ZNF500: variants seen among roughly 807,000 people sequenced by gnomAD.
The protein encoded by ZNF500 is zinc finger protein 500.
A neutral mutation model predicts 30.1 loss-of-function variants in ZNF500; 31 were observed. The observed-to-expected ratio is 1.03, with a 90% CI of 0.77 to 1.39. The LOEUF is 1.39. Among genes scored for constraint, ZNF500 ranks in the 40% most tolerant of loss-of-function variants. ZNF500 has a pLI of 0.00. For missense variants in ZNF500, 817 were observed against 657.8 expected, an observed-to-expected ratio of 1.24 and a Z score of -2.65; for synonymous variants, 392 against 282.0, an observed-to-expected ratio of 1.39 and a Z score of -3.91.
chr16:4,747,532 T>A (rs922512626), downstream of ZNF500: 2 of 1,613,048 alleles, frequency 1.2e-6, no homozygotes, highest in East Asian at 2.2e-5. Flanking sequence ...GCGCCCAGGC[T>A]CGACTCCCAA....
In ZNF500 at chr16:4,765,781, C is replaced by G; in HGVS notation, c.198G>C (p.Glu66Asp). ...FCYQEVAGPR[E>D]ALSRLWELCC... ...ACAGCTCCCAGAGGCGGCTCAGGGC[C>G]TCCCGGGGCCCAGCCACCTCCTGGT... The change falls in exon 2 of 6, where the codon GAG becomes GAC. Residue 66 changes from glutamate to aspartate, a missense_variant. Glu to Asp is a conservative substitution (Grantham distance 45). Transcript: ENST00000219478. 6.2e-7 allele frequency: 1 copy of G among 1,612,998 alleles called. No individual in the cohort carries two copies. Among genetic ancestry groups the G allele is most frequent in the African/African-American group, 1.3e-5 (1 of 75,060 alleles).
chr16:4,765,434 T>A, intron 2 of ZNF500, 131 bp downstream of exon 2: 10 of 1,303,012 alleles, frequency 7.7e-6, no homozygotes, highest in Non-Finnish European at 1.1e-5. Flanking sequence ...TCTTTTGCAG[T>A]TGCTTTCCTC....
chr16:4,752,241 T>C lies in ZNF500; in HGVS notation c.*135A>G. ...CTCTGCGGCCTGGGCATCCCAAATG[T>C]CCCCTGCTGGCCTCATACTGGGCCA... On this transcript the variant is annotated 3_prime_UTR_variant, in exon 6 of 6. Transcript: ENST00000219478. 7.0e-7 allele frequency: 1 copy of C among 1,424,030 alleles called. No homozygotes were observed. Among genetic ancestry groups the C allele is most frequent in the Non-Finnish European group, 9.1e-7 (1 of 1,095,016 alleles). The allele number at this position is 1,424,030 out of a possible 1,614,324, so 88.2% of individuals were successfully genotyped here. A position where few individuals can be genotyped will look rare whatever the true frequency, so the allele number is the denominator to read the frequency against.
At chr16:4,744,785 C>T, downstream of ZNF500, 1 of 1,482,046 alleles carries the variant, frequency 6.7e-7, no homozygotes, top group Non-Finnish European at 9.2e-7. Context: ...CATGTGGAGA[C>T]CCCAGGGGTC....
At position 4,767,147 on chromosome 16, in the gene ZNF500, G is replaced by T. The variant is rs1567544923; in HGVS notation, c.-229C>A. The stretch of plus-strand genomic sequence containing the variant: ...CGGGGCCGAAGACCCTAAACCAGGG[G>T]TGCAAACCAGGCCGTGCGGGTGGGC... On this transcript the variant is annotated 5_prime_UTR_variant, in exon 1 of 6. Transcript: ENST00000219478. The T allele has an allele frequency of 6.6e-6, 1 of 152,444 alleles. No individual in the cohort carries two copies. Among genetic ancestry groups the T allele is most frequent in the Non-Finnish European group, 1.5e-5 (1 of 68,094 alleles). 9.4% of individuals were successfully genotyped at this position (152,444 alleles called of 1,614,324 possible). A position where few individuals can be genotyped will look rare whatever the true frequency, so the allele number is the denominator to read the frequency against.
intron 5 of ZNF500, among the ~76,000 whole-genome samples, chr16:4,757,902 A>AT (rs112830341): frequency 0.57 from 75,856 of 133,352 alleles, 21,234 homozygotes; most frequent in East Asian, 0.67. Flanking sequence ...GCGCCAGCCA[A>AT]TTTTTTTTTT....
At chr16:4,759,114 G>A (rs2082170287) in intron 5 of ZNF500, among the ~76,000 whole-genome samples, 2 of 151,682 alleles carry the variant, frequency 1.3e-5, no homozygotes, top group Non-Finnish European at 2.9e-5. Context: ...GGAGGCTGAG[G>A]CAGGAGAATC....
In ZNF500 at chr16:4,762,947, G is replaced by A. The variant is rs73513206; in HGVS notation, c.415-191C>T. 3,477 of 985,258 alleles carry A rather than the reference G, an allele frequency of 3.5e-3. 101 individuals are homozygous for A. The African/African-American group carries it at 0.057, about 16-fold the overall frequency. 61.0% of individuals were successfully genotyped at this position (985,258 alleles called of 1,614,324 possible). A position where few individuals can be genotyped will look rare whatever the true frequency, so the allele number is the denominator to read the frequency against. On this transcript the variant is annotated intron_variant, in intron 2 of 5. Coordinates refer to ENST00000219478, the MANE Select transcript of ZNF500 (RefSeq NM_021646.4). ...CAGCTCCCAGCCTGCTCTACTCCAT[G>A]GTCTCTCCCTGTCACCACAATCGTT...
chr16:4,751,808 T>C lies in ZNF500; in HGVS notation c.*568A>G. 1 of 657,564 alleles carries C rather than the reference T, an allele frequency of 1.5e-6. No homozygotes were observed. The highest frequency in any genetic ancestry group is 3.0e-5 in the East Asian group (1 of 33,770). The allele number at this position is 657,564 out of a possible 1,614,324, so 40.7% of individuals were successfully genotyped here. A position where few individuals can be genotyped will look rare whatever the true frequency, so the allele number is the denominator to read the frequency against. On this transcript the variant is annotated 3_prime_UTR_variant, in exon 6 of 6. Transcript: ENST00000219478. ...CTGTAACCCCAGCTACTCAGGAGGA[T>C]GAGGCAGGAGGAACACTTGAGCCCA...
intron 5 of ZNF500, among the ~76,000 whole-genome samples, chr16:4,758,970 G>C (rs930553611): frequency 6.6e-6 from 1 of 152,178 alleles, no homozygotes. Flanking sequence ...AGCACTTAGG[G>C]AGGCTGAGGC....
At chr16:4,760,278 A>T (rs991271766) in intron 5 of ZNF500, among the ~76,000 whole-genome samples, 3 of 152,068 alleles carry the variant, frequency 2.0e-5, no homozygotes, top group South Asian at 2.1e-4. Context: ...GAGGCAGAAG[A>T]ACAGGATGGC....
chr16:4,746,339 G>A, downstream of ZNF500: 2 of 1,591,106 alleles, frequency 1.3e-6, no homozygotes, highest in Non-Finnish European at 1.7e-6. Flanking sequence ...TTATCACAGA[G>A]AACTGACTCC....
chr16:4,753,107 G>A, intron 5 of ZNF500, 49 bp from the exon 6 acceptor site: 1 of 1,496,226 alleles, frequency 6.7e-7, no homozygotes, highest in East Asian at 2.3e-5. Flanking sequence ...AAGAGGGCAA[G>A]GGAAATCCTT....
downstream of ZNF500, chr16:4,747,441 G>A (rs755290242): frequency 6.2e-7 from 1 of 1,613,118 alleles, no homozygotes; most frequent in South Asian, 1.1e-5. Context: ...CCCGCGGGTG[G>A]GAGGGCTCAG....
At position 4,751,567 on chromosome 16, in the gene ZNF500, C is replaced by T; in HGVS notation, c.*809G>A. On this transcript the variant is annotated 3_prime_UTR_variant, in exon 6 of 6. Coordinates refer to ENST00000219478, the MANE Select transcript of ZNF500 (RefSeq NM_021646.4). ...TCTGGCAGGATGAAGAAGCTGGAGA[C>T]CACGTCCTGGGAAGGCTGGGGTACA... 1 of 1,532,996 alleles carries T rather than the reference C, an allele frequency of 6.5e-7. No individual in the cohort carries two copies. Among genetic ancestry groups the T allele is most frequent in the Non-Finnish European group, 8.7e-7 (1 of 1,146,092 alleles). 95.0% of individuals were successfully genotyped at this position (1,532,996 alleles called of 1,614,324 possible).
At chr16:4,759,001 G>C (rs909352505) in intron 5 of ZNF500, among the ~76,000 whole-genome samples, 5 of 152,152 alleles carry the variant, frequency 3.3e-5, no homozygotes, top group African/African-American at 9.7e-5. Context: ...CTTGAGATCA[G>C]GAATTCGAGA....
Position 4,752,277 on chromosome 16 carries a change from C to G in ZNF500, c.*99G>C, listed in dbSNP as rs1006594478. The G allele has an allele frequency of 2.8e-6, 4 of 1,429,758 alleles. No individual in the cohort carries two copies. In the Admixed American group the frequency reaches 8.6e-5, roughly 31 times the overall value. The allele number at this position is 1,429,758 out of a possible 1,614,324, so 88.6% of individuals were successfully genotyped here. A position where few individuals can be genotyped will look rare whatever the true frequency, so the allele number is the denominator to read the frequency against. On this transcript the variant is annotated 3_prime_UTR_variant, in exon 6 of 6. Transcript: ENST00000219478. ...CCTCATACTGGGCCATGGGAGGAAA[C>G]GGGCAGCTGGCAATGCTTTCGGACC...
chr16:4,746,805 CCA>C, downstream of ZNF500: 1 of 945,722 alleles, frequency 1.1e-6, no homozygotes, highest in Non-Finnish European at 1.5e-6. Flanking sequence ...CCACCGGCCT[CCA>C]GTGTGGCTGC....
At chr16:4,763,970 G>A (rs2082235431) in intron 2 of ZNF500, 2 of 985,472 alleles carry the variant, frequency 2.0e-6, no homozygotes, top group Admixed American at 1.2e-4. Flanking sequence ...GCAAGGCCCT[G>A]AAAAATGAAC....
Sources: allele counts gnomAD v4.1 joint callset (sites outside exome capture counted in the v4.1 genomes callset), GRCh38; gene constraint gnomAD v4.1.1; transcripts MANE v1.5; gene names NCBI Gene and HGNC (gene_info 2026-07-23, HGNC 2026-07-21).